PKIG: variants seen among roughly 807,000 people sequenced by gnomAD.
The protein encoded by PKIG is protein kinase (cAMP-dependent, catalytic) inhibitor gamma.
In PKIG, 1 loss-of-function variant was observed where a neutral mutation model predicts 6.8. That is an observed-to-expected ratio of 0.15 (90% CI 0.05 to 0.69). The LOEUF (loss-of-function observed/expected upper bound fraction) is 0.69, where lower values mean the gene tolerates loss of function less well. PKIG is among the 30% of genes least tolerant of loss of function. The probability of loss-of-function intolerance (pLI) is 0.82; values close to 1 mark genes in which losing one functional copy is unlikely to be tolerated. For missense variants in PKIG, 77 were observed against 104.0 expected, an observed-to-expected ratio of 0.74 and a Z score of 1.13; for synonymous variants, 39 against 43.0, an observed-to-expected ratio of 0.91 and a Z score of 0.36.
chr20:44,533,255 C>G (rs1178827882), intron 1 of PKIG, among the ~76,000 whole-genome samples: 1 of 152,070 alleles, frequency 6.6e-6, no homozygotes, highest in African/African-American at 2.4e-5. Flanking sequence ...GTCTCAGATT[C>G]CTGGGCTCAA....
rs76548335 is a variant in PKIG, at chr20:44,599,406, A to G, written c.-24+9540A>G. Among the ~76,000 whole-genome samples the G allele has an allele frequency of 9.3e-4, 141 of 152,306 alleles. 2 individuals are homozygous for G. The East Asian group carries it at 0.024, about 26-fold the overall frequency. The stretch of plus-strand genomic sequence containing the variant: ...ATTAAATGCTTGTAAGATGCTTAGC[A>G]CAGTCTGGCATGCAGTAAGAAAGAA... On this transcript the variant is annotated intron_variant, in intron 2 of 3. Coordinates refer to ENST00000372886, the MANE Select transcript of PKIG (RefSeq NM_001281445.2).
At chr20:44,542,939 A>G (rs1226621901) in intron 1 of PKIG, among the ~76,000 whole-genome samples, 1 of 152,172 alleles carries the variant, frequency 6.6e-6, no homozygotes, top group Non-Finnish European at 1.5e-5. Flanking sequence ...TGTGATAAGT[A>G]TAGTATACTT....
chr20:44,574,047 A>T (rs2064875553), intron 1 of PKIG, among the ~76,000 whole-genome samples: 1 of 151,892 alleles, frequency 6.6e-6, no homozygotes, highest in African/African-American at 2.4e-5. Flanking sequence ...CAGCCATTTT[A>T]TTTTTCTGCT....
upstream of PKIG, among the ~76,000 whole-genome samples, chr20:44,582,355 A>AAGGAT (rs1388244276): frequency 6.6e-6 from 1 of 152,148 alleles, no homozygotes; most frequent in African/African-American, 2.4e-5. Context: ...CAGGGTTGAA[A>AAGGAT]ATTGAAGGAA....
At chr20:44,545,557 T>C (rs1230113802) in intron 1 of PKIG, among the ~76,000 whole-genome samples, 3 of 152,134 alleles carry the variant, frequency 2.0e-5, no homozygotes, top group Non-Finnish European at 1.5e-5. Context: ...ATAGGGTAAC[T>C]CTCACCTGTA....
chr20:44,548,720 A>G (rs920415540), intron 1 of PKIG, among the ~76,000 whole-genome samples: 8 of 152,078 alleles, frequency 5.3e-5, no homozygotes, highest in Admixed American at 3.9e-4. Flanking sequence ...TCCACACATC[A>G]CTTAGCTACT....
rs144659458 is a variant in PKIG, at chr20:44,593,981, C to T, written c.-24+4115C>T. On this transcript the variant is annotated intron_variant, in intron 2 of 3. Coordinates refer to ENST00000372886, the MANE Select transcript of PKIG (RefSeq NM_001281445.2). ...GGTTTATAGCATATGGATGAGTGCT[C>T]TTGTGCCAACGCTGGGCTAAACCTT... Among the ~76,000 whole-genome samples the T allele has an allele frequency of 3.2e-3, 483 of 152,274 alleles. 1 individual carries two copies. The highest frequency in any genetic ancestry group is 0.011 in the African/African-American group (445 of 41,550).
intron 1 of PKIG, among the ~76,000 whole-genome samples, chr20:44,535,523 C>A (rs2064504731): frequency 6.6e-6 from 1 of 152,104 alleles, no homozygotes; most frequent in South Asian, 2.1e-4. Flanking sequence ...CGCCTGTAGT[C>A]CCAGCTACTT....
At chr20:44,548,493 G>A (rs1339392336) in intron 1 of PKIG, among the ~76,000 whole-genome samples, 1 of 152,106 alleles carries the variant, frequency 6.6e-6, no homozygotes, top group Non-Finnish European at 1.5e-5. Flanking sequence ...ACTTTATGTA[G>A]CTTGTCCATA....
chr20:44,589,374 T>TA (rs1407200175), intron 1 of PKIG, among the ~76,000 whole-genome samples: 1 of 152,122 alleles, frequency 6.6e-6, no homozygotes, highest in Non-Finnish European at 1.5e-5. Context: ...TTTTTTTAAT[T>TA]AAAAAATGAT....
In PKIG at chr20:44,614,608, G is replaced by A; in HGVS notation, c.52G>A (p.Gly18Ser). 1 of 1,614,166 alleles carries A rather than the reference G, an allele frequency of 6.2e-7. No individual in the cohort carries two copies. ...GGACTTCATCTCCTGTGACCGGACA[G>A]GCCGTCGGAATGCGGTCCCTGACAT... The part of the protein sequence containing the change: ...YSDFISCDRT[G>S]RRNAVPDIQG... Residue 18 changes from glycine (G) to serine (S), a missense_variant, in exon 3 of 4, where the codon GGC (glycine) becomes AGC (serine). By Grantham distance (56) the Gly-to-Ser change is moderately conservative (BLOSUM62 0). Transcript: ENST00000372886. The surrounding 1 kb of genome is among the most constrained non-coding windows in gnomAD (Gnocchi z 4.6).
In PKIG at chr20:44,572,027, G is replaced by A. The variant is rs184648721; in HGVS notation, c.-240-10558G>A. ...TGTTTTTGTTTGTTTGTTTTGAGAC[G>A]GAGTCTCGCTCTGTTGCCCAGGCTG... On this transcript the variant is annotated intron_variant, in intron 1 of 4. Coordinates refer to the PKIG transcript ENST00000372887. Among the ~76,000 whole-genome samples, 9 of 152,244 alleles carry A rather than the reference G, an allele frequency of 5.9e-5. No homozygotes were observed. The East Asian group carries it at 1.4e-3, about 23-fold the overall frequency.
chr20:44,597,849 A>C (rs1413703498), intron 2 of PKIG, among the ~76,000 whole-genome samples: 2 of 152,194 alleles, frequency 1.3e-5, no homozygotes, highest in Non-Finnish European at 2.9e-5. Flanking sequence ...CTTCCTTCAG[A>C]GCTAGAAGAC....
intron 1 of PKIG, among the ~76,000 whole-genome samples, chr20:44,567,799 A>G (rs1378213970): frequency 6.6e-6 from 1 of 152,198 alleles, no homozygotes; most frequent in Non-Finnish European, 1.5e-5. Flanking sequence ...AGTGTGGCTT[A>G]TGTCTCTCTT....
chr20:44,596,191 T>G (rs73298319), intron 2 of PKIG, among the ~76,000 whole-genome samples: 10,667 of 152,288 alleles, frequency 0.07, 406 homozygotes, highest in South Asian at 0.15. Flanking sequence ...ATCAGCATCA[T>G]GCCTGGCTCA....
intron 2 of PKIG, among the ~76,000 whole-genome samples, chr20:44,596,620 T>C (rs1375882640): frequency 6.6e-6 from 1 of 152,166 alleles, no homozygotes; most frequent in East Asian, 1.9e-4. Flanking sequence ...ATGTAGCAAG[T>C]TCTGGGTTCG....
chr20:44,532,948 A>G (rs955501045), intron 1 of PKIG, among the ~76,000 whole-genome samples: 12 of 152,116 alleles, frequency 7.9e-5, no homozygotes, highest in African/African-American at 2.7e-4. Flanking sequence ...ATGGTGTTTG[A>G]GAGACAAGCA....
intron 2 of PKIG, among the ~76,000 whole-genome samples, chr20:44,607,273 A>G (rs1568833438): frequency 6.6e-6 from 1 of 151,274 alleles, no homozygotes; most frequent in East Asian, 1.9e-4. Flanking sequence ...TGATGTAATC[A>G]GTGCTGCAGT....
chr20:44,592,791 C>G (rs1243832501), intron 2 of PKIG, among the ~76,000 whole-genome samples: 1 of 152,130 alleles, frequency 6.6e-6, no homozygotes, highest in Non-Finnish European at 1.5e-5. Context: ...TCAGCCTGTT[C>G]TGGAAAGAGT....
Sources: allele counts gnomAD v4.1 joint callset (sites outside exome capture counted in the v4.1 genomes callset), GRCh38; gene constraint gnomAD v4.1.1; non-coding constraint Gnocchi (gnomAD v3.1); transcripts MANE v1.5; gene names NCBI Gene and HGNC (gene_info 2026-07-23, HGNC 2026-07-21).